PTPRN2: variants seen among roughly 807,000 people sequenced by gnomAD.
PTPRN2 encodes the protein protein tyrosine phosphatase receptor type N2, also known as receptor-type tyrosine-protein phosphatase N2.
In PTPRN2, 74 loss-of-function variants were observed where a neutral mutation model predicts 118.8. That is an observed-to-expected ratio of 0.62 (90% CI 0.52 to 0.76). PTPRN2 has a LOEUF of 0.76. Among genes scored for constraint, PTPRN2 ranks in the 30% least tolerant of loss-of-function variants. The probability of loss-of-function intolerance (pLI) is 0.00; values close to 1 mark genes in which losing one functional copy is unlikely to be tolerated. For missense variants in PTPRN2, 1,481 were observed against 1,394.4 expected (o/e 1.06, Z -0.99); for synonymous variants, 641 against 608.0 (o/e 1.05, Z -0.80).
intron 11 of PTPRN2, among the ~76,000 whole-genome samples, chr7:157,934,268 T>A (rs2128783465): frequency 6.6e-6 from 1 of 152,358 alleles, no homozygotes; most frequent in Non-Finnish European, 1.5e-5. Flanking sequence ...TATCGGCCGC[T>A]CATTTTAGCA....
intron 14 of PTPRN2, among the ~76,000 whole-genome samples, chr7:157,636,656 A>T (rs1392042460): frequency 6.6e-6 from 1 of 152,256 alleles, no homozygotes; most frequent in Non-Finnish European, 1.5e-5. Context: ...AAAGTTTACT[A>T]TTCAGGTGTC....
At chr7:158,126,890 G>T (rs531207873) in intron 9 of PTPRN2, among the ~76,000 whole-genome samples, 1 of 152,264 alleles carries the variant, frequency 6.6e-6, no homozygotes, top group Admixed American at 6.5e-5. Flanking sequence ...TCCCTGGCCG[G>T]CGGATCCCTG....
intron 2 of PTPRN2, among the ~76,000 whole-genome samples, chr7:158,337,762 A>C (rs1198723725): frequency 4.0e-5 from 1 of 24,788 alleles, no homozygotes; most frequent in African/African-American, 1.4e-4. Flanking sequence ...AAGAGGTGAC[A>C]CCTGCAAACG....
At chr7:157,725,367 C>A (rs1306960430) in intron 12 of PTPRN2, among the ~76,000 whole-genome samples, 2 of 80,848 alleles carry the variant, frequency 2.5e-5, no homozygotes, top group African/African-American at 5.0e-5. Flanking sequence ...AGGAGTGTGG[C>A]CAGACCCTCG....
At position 157,550,756 on chromosome 7, in the gene PTPRN2, C is replaced by T. The variant is rs997012269; in HGVS notation, c.2903-1737G>A. Reference sequence around the variant, plus strand: ...AGGCATAAAAGGCGGCTTTCTTTTGCGGCAGCCCGTGAGCTCGGCCACCAG... The same window carrying T: ...AGGCATAAAAGGCGGCTTTCTTTTGTGGCAGCCCGTGAGCTCGGCCACCAG... On this transcript the variant is annotated intron_variant, in intron 21 of 22. Transcript: ENST00000389418. The surrounding 1 kb of genome is among the most constrained non-coding windows in gnomAD (Gnocchi z 5.2). Among the ~76,000 whole-genome samples the T allele has an allele frequency of 7.9e-5, 12 of 152,170 alleles. No individual in the cohort carries two copies. The highest frequency in any genetic ancestry group is 2.2e-4 in the African/African-American group (9 of 41,448).
At chr7:157,644,046 T>A (rs16867611) in intron 14 of PTPRN2, among the ~76,000 whole-genome samples, 6,513 of 152,312 alleles carry the variant, frequency 0.043, 249 homozygotes, top group South Asian at 0.13. Context: ...CAGGCGTCGG[T>A]CCCTGTTACG....
At chr7:158,221,288 A>G (rs1447020320) in intron 3 of PTPRN2, among the ~76,000 whole-genome samples, 1 of 151,754 alleles carries the variant, frequency 6.6e-6, no homozygotes, top group African/African-American at 2.4e-5. Flanking sequence ...AGGACACACC[A>G]CTCTGGACAC....
chr7:158,162,664 C>G (rs10260160), intron 6 of PTPRN2, among the ~76,000 whole-genome samples: 1 of 41,292 alleles, frequency 2.4e-5, no homozygotes, highest in South Asian at 7.0e-4. Context: ...CTGTTGTCCT[C>G]CCCGTCACCC....
At position 157,994,709 on chromosome 7, in the gene PTPRN2, TA is replaced by T. The variant is rs1471834753; in HGVS notation, c.1723+86588del. Among the ~76,000 whole-genome samples, 68 of 86,132 alleles carry T rather than the reference TA, an allele frequency of 7.9e-4. 1 individual carries two copies. Among genetic ancestry groups the T allele is most frequent in the African/African-American group, 1.9e-3 (32 of 17,264 alleles). 56.5% of individuals were successfully genotyped at this position (86,132 alleles called of 152,430 possible). A position where few individuals can be genotyped will look rare whatever the true frequency, so the allele number is the denominator to read the frequency against. On this transcript the variant is annotated intron_variant, in intron 11 of 22. Transcript: ENST00000389418. ...TCCCCAGCTTACAGCTCCTTGTTCC[TA>T]AAATCAACGCCGTGTCCCCAGCTTA...
rs1801354758 is a variant in PTPRN2, at chr7:157,596,634, A to C, written c.2419-1319T>G. Among the ~76,000 whole-genome samples, 1 of 152,140 alleles carries C rather than the reference A, an allele frequency of 6.6e-6. No individual in the cohort carries two copies. The highest frequency in any genetic ancestry group is 2.4e-5 in the African/African-American group (1 of 41,416). On this transcript the variant is annotated intron_variant, in intron 16 of 22. Transcript: ENST00000389418. The surrounding 1 kb of genome is among the most constrained non-coding windows in gnomAD (Gnocchi z 4.2). ...GACACGAAGATACCAGGACATCACT[A>C]TCATCCCCAGGGCTCACCAGCTCCT...
intron 5 of PTPRN2, among the ~76,000 whole-genome samples, chr7:158,191,079 A>C (rs1825725505): frequency 6.6e-6 from 1 of 152,278 alleles, no homozygotes; most frequent in East Asian, 1.9e-4. Flanking sequence ...GCAAGGTTCC[A>C]GGAAGCCCCT....
At chr7:157,670,306 CCTGCCTCCCTTTTTCTTAGGGA>C (rs1393318543) in intron 13 of PTPRN2, among the ~76,000 whole-genome samples, 1 of 152,022 alleles carries the variant, frequency 6.6e-6, no homozygotes, top group Non-Finnish European at 1.5e-5. Context: ...AACCCGACCT[CCTGCCTCCCTTTTTCTTAGGGA>C]CTGCCTCTCC....
chr7:157,880,075 G>A (rs540651597), intron 12 of PTPRN2, among the ~76,000 whole-genome samples: 9 of 152,214 alleles, frequency 5.9e-5, no homozygotes, highest in South Asian at 2.1e-4. Flanking sequence ...GACAGCTTCC[G>A]CTTATTCATG....
chr7:158,458,039 G>C (rs151224346), intron 2 of PTPRN2, among the ~76,000 whole-genome samples: 2 of 152,320 alleles, frequency 1.3e-5, no homozygotes, highest in Non-Finnish European at 2.9e-5. Context: ...AGCTCTAAGA[G>C]AAAGTTAATT....
intron 3 of PTPRN2, among the ~76,000 whole-genome samples, chr7:158,229,779 G>A (rs1346690999): frequency 2.0e-5 from 3 of 152,006 alleles, no homozygotes; most frequent in African/African-American, 7.2e-5. Flanking sequence ...AAGAATGATT[G>A]ATGTTCAAGG....
intron 1 of PTPRN2, among the ~76,000 whole-genome samples, chr7:158,499,785 ATGTGTGTG>A (rs760084326): frequency 1.4e-5 from 2 of 143,620 alleles, no homozygotes; most frequent in African/African-American, 2.6e-5. Flanking sequence ...ATATGTGTGT[ATGTGTGTG>A]TGTGTGTGTG....
intron 12 of PTPRN2, among the ~76,000 whole-genome samples, chr7:157,691,860 T>TC (rs949073456): frequency 2.7e-5 from 4 of 149,536 alleles, no homozygotes; most frequent in Admixed American, 6.6e-5. Context: ...ACTGAGCACC[T>TC]CCCCCCCGCG....
At chr7:158,075,733 G>A (rs978200660) in intron 11 of PTPRN2, among the ~76,000 whole-genome samples, 27 of 152,318 alleles carry the variant, frequency 1.8e-4, no homozygotes, top group African/African-American at 5.5e-4. Context: ...CATCTCCCTC[G>A]CCCACTCTGG....
chr7:158,337,356 ACGTCCCT>A, intron 2 of PTPRN2, among the ~76,000 whole-genome samples: 3 of 86,178 alleles, frequency 3.5e-5, no homozygotes, highest in Admixed American at 1.2e-4. Context: ...ACACCTGCAG[ACGTCCCT>A]CACACCCACA....
Sources: gnomAD v4.1 joint callset for allele counts (sites outside exome capture counted in the v4.1 genomes callset) on GRCh38, gnomAD v4.1.1 for gene constraint, Gnocchi (gnomAD v3.1) non-coding constraint, MANE v1.5 for transcripts, NCBI Gene and HGNC (gene_info 2026-07-23, HGNC 2026-07-21) for gene names.